Variants in ADD3 observed in about 807,000 individuals in gnomAD.
ADD3 encodes the protein gamma-adducin.
ADD3 carries 25 observed loss-of-function variants against 80.2 expected under a neutral mutation model. That is an observed-to-expected ratio of 0.31 (90% CI 0.23 to 0.44). The LOEUF is 0.44. ADD3 is among the 20% of genes least tolerant of loss of function. ADD3 has a pLI of 1.00. For missense variants in ADD3, 829 were observed against 847.5 expected, an observed-to-expected ratio of 0.98 and a Z score of 0.27; for synonymous variants, 284 against 289.6, an observed-to-expected ratio of 0.98 and a Z score of 0.20.
intron 1 of ADD3, among the ~76,000 whole-genome samples, chr10:110,079,461 A>AGAGTGTGTGTGT (rs1443672023): frequency 2.1e-5 from 2 of 97,454 alleles, no homozygotes; most frequent in African/African-American, 9.1e-5. Flanking sequence ...AGAGAGAGAG[A>AGAGTGTGTGTGT]GTGTGTGTGT....
intron 1 of ADD3, among the ~76,000 whole-genome samples, chr10:110,045,048 C>G (rs916113259): frequency 3.3e-5 from 5 of 152,138 alleles, no homozygotes; most frequent in African/African-American, 1.2e-4. Flanking sequence ...TTCCGAAACA[C>G]TGGGTAGTTT....
chr10:110,098,694 A>G (rs1383570645), intron 1 of ADD3, among the ~76,000 whole-genome samples: 1 of 151,408 alleles, frequency 6.6e-6, no homozygotes, highest in African/African-American at 2.4e-5. Context: ...CAATGGCGTG[A>G]TCTCAGCTCA....
intron 1 of ADD3, among the ~76,000 whole-genome samples, chr10:110,033,688 A>G (rs537032526): frequency 1.3e-5 from 2 of 152,320 alleles, no homozygotes; most frequent in Admixed American, 1.3e-4. Context: ...ATTAAAATGT[A>G]TATAGTGCAA....
chr10:110,133,440 G>A lies in ADD3; in HGVS notation c.1943G>A (p.Arg648Lys). 4 of 1,613,872 alleles carry A rather than the reference G, an allele frequency of 2.5e-6. No homozygotes were observed. Among genetic ancestry groups the A allele is most frequent in the Non-Finnish European group, 3.4e-6 (4 of 1,179,836 alleles). Residue 648 changes from arginine (R) to lysine (K), a missense_variant, in exon 15 of 15, where the codon AGG (arginine) becomes AAG (lysine). Arg to Lys is a conservative substitution (Grantham distance 26). Transcript: ENST00000356080. ...VEDELAKRVS[R>K]LSTSTTIENI... ...GATGAGCTTGCTAAGCGAGTGAGTAGGTTAAGCACAAGTACAACCATAGAA... is the reference window on the plus strand; with the variant it reads ...GATGAGCTTGCTAAGCGAGTGAGTAAGTTAAGCACAAGTACAACCATAGAA...
chr10:110,132,969 C>T (rs1853247908), intron 14 of ADD3, among the ~76,000 whole-genome samples: 1 of 151,334 alleles, frequency 6.6e-6, no homozygotes, highest in Non-Finnish European at 1.5e-5. Context: ...TTAAACATCT[C>T]CCAATCAGCA....
At position 110,122,278 on chromosome 10, in the gene ADD3, A is replaced by T. The variant is rs746602233; in HGVS notation, c.1129A>T (p.Thr377Ser). 7 of 1,613,448 alleles carry T rather than the reference A, an allele frequency of 4.3e-6. No individual in the cohort carries two copies. Among genetic ancestry groups the T allele is most frequent in the Non-Finnish European group, 5.9e-6 (7 of 1,179,694 alleles). ...AATTGAGTTTGAAGGGCTTATGAGGACTCTGGACAACTTGGTAGGTTGCAA... is the reference window on the plus strand; with the variant it reads ...AATTGAGTTTGAAGGGCTTATGAGGTCTCTGGACAACTTGGTAGGTTGCAA... The part of the protein sequence containing the change: ...GEIEFEGLMR[T>S]LDNLGYRTGY... The change falls in exon 9 of 15, where the codon ACT becomes TCT. Residue 377 changes from threonine (T) to serine (S), a missense_variant. Coordinates refer to ENST00000356080, the MANE Select transcript of ADD3 (RefSeq NM_016824.5).
At chr10:110,122,328 T>C in intron 9 of ADD3, 36 bp downstream of exon 9, 2 of 1,590,054 alleles carry the variant, frequency 1.3e-6, no homozygotes, top group Non-Finnish European at 1.7e-6. Context: ...TTGGATTTAA[T>C]GTCTTCAGAT....
At chr10:110,070,311 A>AT (rs1458285244) in intron 1 of ADD3, among the ~76,000 whole-genome samples, 5 of 152,134 alleles carry the variant, frequency 3.3e-5, no homozygotes, top group East Asian at 1.9e-4. Context: ...CATTTCTTAC[A>AT]TTTTTTACCA....
intron 1 of ADD3, among the ~76,000 whole-genome samples, chr10:110,074,449 T>C (rs1235470172): frequency 6.6e-6 from 1 of 152,168 alleles, no homozygotes; most frequent in Non-Finnish European, 1.5e-5. Flanking sequence ...CTGTCTATGT[T>C]GTATTTGAGA....
intron 1 of ADD3, among the ~76,000 whole-genome samples, chr10:110,088,483 A>G (rs1847087323): frequency 6.6e-6 from 1 of 152,340 alleles, no homozygotes; most frequent in East Asian, 1.9e-4. Context: ...ATGCATTTTC[A>G]TGGCACAATA....
chr10:110,016,527 G>A (rs1200465509), intron 1 of ADD3: 10 of 152,202 alleles, frequency 6.6e-5, no homozygotes, highest in African/African-American at 2.4e-4. Context: ...TCAATAGCAG[G>A]TCTGGTTGGT....
At chr10:110,023,439 T>TATAGCAGCCTGAACAGACTA (rs1387915421) in intron 1 of ADD3, among the ~76,000 whole-genome samples, 1 of 152,216 alleles carries the variant, frequency 6.6e-6, no homozygotes, top group South Asian at 2.1e-4. Flanking sequence ...AGTATTCTAT[T>TATAGCAGCCTGAACAGACTA]ATAGCAGCCT....
chr10:110,047,284 T>C (rs1185733439), intron 1 of ADD3, among the ~76,000 whole-genome samples: 1 of 152,236 alleles, frequency 6.6e-6, no homozygotes, highest in African/African-American at 2.4e-5. Flanking sequence ...TAACACACTT[T>C]TAGCAACAGT....
chr10:110,119,343 C>G lies in ADD3; in HGVS notation c.850C>G (p.Pro284Ala). Residue 284 changes from proline (P) to alanine (A), a missense_variant, in exon 7 of 15, where the codon CCA becomes GCA. Pro to Ala is a conservative substitution (Grantham distance 27). Coordinates refer to ENST00000356080, the MANE Select transcript of ADD3 (RefSeq NM_016824.5). Reference sequence around the variant, plus strand: ...AATTCAACTGCAGAAGGTTCTGGGACCAAGTTGTAAGGTATGTAGTAGAGT... The same window carrying G: ...AATTCAACTGCAGAAGGTTCTGGGAGCAAGTTGTAAGGTATGTAGTAGAGT... ...ERIQLQKVLG[P>A]SCKVLVLRNH... The G allele has an allele frequency of 2.5e-6, 4 of 1,613,934 alleles. No individual in the cohort carries two copies. The highest frequency in any genetic ancestry group is 3.4e-6 in the Non-Finnish European group (4 of 1,179,966).
At chr10:110,115,195 C>A in intron 3 of ADD3, among the ~76,000 whole-genome samples, 1 of 151,806 alleles carries the variant, frequency 6.6e-6, no homozygotes, top group East Asian at 1.9e-4. Context: ...TTCAAGACCA[C>A]CCTGACCAAC....
intron 1 of ADD3, among the ~76,000 whole-genome samples, chr10:110,065,106 C>T (rs1380017940): frequency 2.0e-5 from 3 of 152,078 alleles, no homozygotes; most frequent in African/African-American, 4.8e-5. Context: ...CCCAGCCTGC[C>T]CTTCCAGTTT....
intron 1 of ADD3, among the ~76,000 whole-genome samples, chr10:110,074,826 CT>C (rs1413843921): frequency 6.6e-6 from 1 of 152,028 alleles, no homozygotes; most frequent in African/African-American, 2.4e-5. Flanking sequence ...CAAGCTCATA[CT>C]TTAGTTGTTA....
chr10:110,130,834 C>A lies in ADD3; in HGVS notation c.1732+348C>A, dbSNP rs1284373534. ...TCGCACCACTGCACTGCAGCCTGGG[C>A]GACAGAGAGAGACTCCGTCTCAAAA... is the stretch of plus-strand genomic sequence containing the variant. On this transcript the variant is annotated intron_variant, in intron 13 of 14. Coordinates refer to ENST00000356080, the MANE Select transcript of ADD3 (RefSeq NM_016824.5). 1.0e-4 allele frequency among the ~76,000 whole-genome samples: 15 copies of A among 146,448 alleles called. No homozygotes were observed. The South Asian group carries it at 1.1e-3, about 10-fold the overall frequency.
At chr10:110,058,355 T>C (rs1251182667) in intron 1 of ADD3, among the ~76,000 whole-genome samples, 5 of 152,212 alleles carry the variant, frequency 3.3e-5, no homozygotes, top group Admixed American at 6.5e-5. Context: ...GTTGATAAAC[T>C]GTGGAGCCGC....
Sources: gnomAD v4.1 joint callset for allele counts (sites outside exome capture counted in the v4.1 genomes callset) on GRCh38, gnomAD v4.1.1 for gene constraint, MANE v1.5 for transcripts, NCBI Gene and HGNC (gene_info 2026-07-23, HGNC 2026-07-21) for gene names.